ADAMTS20: variants seen among roughly 807,000 people sequenced by gnomAD.
ADAMTS20 encodes the protein A disintegrin and metalloproteinase with thrombospondin motifs 20.
In ADAMTS20, 225 loss-of-function variants were observed where a neutral mutation model predicts 260.1. The ratio of observed to expected loss-of-function variants is 0.87; its 90% CI spans 0.78 to 0.97. The LOEUF (loss-of-function observed/expected upper bound fraction) is 0.97. Ranked by LOEUF, ADAMTS20 falls within the 50% of genes least tolerant of loss-of-function variation. The pLI is 0.00. For synonymous variants in ADAMTS20, 802 were observed against 769.5 expected, an observed-to-expected ratio of 1.04 and a Z score of -0.70; for missense variants, 2,400 against 2,337.7, an observed-to-expected ratio of 1.03 and a Z score of -0.55.
intron 3 of ADAMTS20, among the ~76,000 whole-genome samples, chr12:43,510,961 T>G (rs1942916287): frequency 6.6e-6 from 1 of 152,018 alleles, no homozygotes; most frequent in Admixed American, 6.6e-5. Context: ...CCATACAAAG[T>G]TTATCTTTCT....
chr12:43,472,014 G>A (rs535660736), intron 7 of ADAMTS20, among the ~76,000 whole-genome samples: 2 of 152,196 alleles, frequency 1.3e-5, no homozygotes, highest in East Asian at 3.9e-4. Context: ...GAGAGAAGAA[G>A]GCTTCAGAAA....
chr12:43,535,306 C>A (rs115667763), intron 2 of ADAMTS20, among the ~76,000 whole-genome samples: 4 of 152,160 alleles, frequency 2.6e-5, no homozygotes, highest in Admixed American at 2.0e-4. Flanking sequence ...CTATTATTTC[C>A]TACCTTTGCA....
chr12:43,543,929 T>C (rs935966404), intron 2 of ADAMTS20, among the ~76,000 whole-genome samples: 20 of 152,186 alleles, frequency 1.3e-4, no homozygotes, highest in Non-Finnish European at 2.6e-4. Flanking sequence ...ATATAGCTCA[T>C]AAACATATTT....
At chr12:43,501,475 G>GCACACA (rs1353322850) in intron 4 of ADAMTS20, among the ~76,000 whole-genome samples, 4 of 59,112 alleles carry the variant, frequency 6.8e-5, no homozygotes, top group African/African-American at 2.1e-4. Flanking sequence ...GCGCGCGCGC[G>GCACACA]CGCGCGCACA....
At chr12:43,456,648 A>G (rs1018707660) in intron 11 of ADAMTS20, among the ~76,000 whole-genome samples, 2 of 152,204 alleles carry the variant, frequency 1.3e-5, no homozygotes, top group Non-Finnish European at 2.9e-5. Context: ...AGATGGAACA[A>G]TGGCAAGAGC....
intron 3 of ADAMTS20, among the ~76,000 whole-genome samples, chr12:43,506,860 A>G (rs1256124391): frequency 6.6e-6 from 1 of 152,052 alleles, no homozygotes; most frequent in African/African-American, 2.4e-5. Context: ...AGTAAAACCT[A>G]AAAACAACCC....
chr12:43,537,963 T>G (rs1943320051), intron 2 of ADAMTS20, among the ~76,000 whole-genome samples: 2 of 152,240 alleles, frequency 1.3e-5, no homozygotes, highest in South Asian at 2.1e-4. Flanking sequence ...TTGTGAACAC[T>G]GCTGCAACAA....
chr12:43,367,372 G>A (rs976028610), intron 37 of ADAMTS20, among the ~76,000 whole-genome samples: 2 of 151,960 alleles, frequency 1.3e-5, no homozygotes, highest in Non-Finnish European at 2.9e-5. Flanking sequence ...TCACAGGAAC[G>A]CAAGGTTGTG....
chr12:43,462,633 CATAG>C (rs1346073924), intron 11 of ADAMTS20, among the ~76,000 whole-genome samples: 1 of 152,088 alleles, frequency 6.6e-6, no homozygotes, highest in Non-Finnish European at 1.5e-5. Flanking sequence ...TTATAATATA[CATAG>C]ATAACTATAT....
chr12:43,453,863 G>A, intron 12 of ADAMTS20, 44 bp downstream of exon 12: 1 of 1,552,514 alleles, frequency 6.4e-7, no homozygotes, highest in Non-Finnish European at 8.7e-7. Context: ...ACTTTCTGGT[G>A]CCTTGAGATA....
chr12:43,505,749 G>A (rs763089321), intron 3 of ADAMTS20, among the ~76,000 whole-genome samples: 4 of 152,070 alleles, frequency 2.6e-5, no homozygotes, highest in Non-Finnish European at 5.9e-5. Context: ...TGTTCCTTAA[G>A]AAATAAAAAT....
At position 43,475,860 on chromosome 12, in the gene ADAMTS20, T is replaced by C. The variant is rs1485412020; in HGVS notation, c.1118-7155A>G. 5.3e-5 allele frequency among the ~76,000 whole-genome samples: 7 copies of C among 132,350 alleles called. No individual in the cohort carries two copies. In the South Asian group the frequency reaches 2.0e-3, roughly 39 times the overall value. 86.8% of individuals were successfully genotyped at this position (132,350 alleles called of 152,430 possible). ...AAATCAATTTAAGATGGATTAAAGA[T>C]TTAAACGTTAGACCTAAAACCATAA... On this transcript the variant is annotated intron_variant, in intron 7 of 38. Coordinates refer to ENST00000389420, the MANE Select transcript of ADAMTS20 (RefSeq NM_025003.5).
chr12:43,432,665 G>C lies in ADAMTS20; in HGVS notation c.2867C>G (p.Pro956Arg), dbSNP rs781138100. The change falls in exon 20 of 39, where the codon CCT (proline) becomes CGT (arginine). Residue 956 changes from proline (P) to arginine (R), a missense_variant. Transcript: ENST00000389420. ...GTTACCATGGCATAGTTCTTGGGTA[G>C]GAGGTTTAAGCTGGTCACCACAGTA... Reference protein sequence around the residue: ...DHYCGDQLKPPTQELCHGNCV... With the variant: ...DHYCGDQLKPRTQELCHGNCV... 1 of 1,613,854 alleles carries C rather than the reference G, an allele frequency of 6.2e-7. No individual in the cohort carries two copies.
chr12:43,376,550 G>A lies in ADAMTS20; in HGVS notation c.5099C>T (p.Ala1700Val), dbSNP rs1402234102. ...DLCLNHLKPG[A>V]QKKCYANDCK... ...GTCATTGGCATAACATTTCTTTTGAGCACCTGGTTTTAAATGGTTTAAACA... is the reference window on the plus strand; with the variant it reads ...GTCATTGGCATAACATTTCTTTTGAACACCTGGTTTTAAATGGTTTAAACA... The change falls in exon 33 of 39, where the codon GCT becomes GTT. Residue 1700 changes from alanine to valine, a missense_variant. Coordinates refer to ENST00000389420, the MANE Select transcript of ADAMTS20 (RefSeq NM_025003.5). The A allele has an allele frequency of 6.2e-7, 1 of 1,613,068 alleles. No individual in the cohort carries two copies. The highest frequency in any genetic ancestry group is 8.5e-7 in the Non-Finnish European group (1 of 1,179,642).
intron 29 of ADAMTS20, 147 bp from the exon 30 acceptor site, chr12:43,384,124 T>C: frequency 1.2e-6 from 1 of 813,916 alleles, no homozygotes; most frequent in African/African-American, 1.7e-5. Flanking sequence ...ACAATAAGTA[T>C]TTTTACCATT....
At chr12:43,505,822 T>C (rs1353068712) in intron 3 of ADAMTS20, among the ~76,000 whole-genome samples, 3 of 152,140 alleles carry the variant, frequency 2.0e-5, no homozygotes, top group Non-Finnish European at 4.4e-5. Context: ...GAAAGCAGGG[T>C]CTTGAAGAGC....
chr12:43,449,585 A>G (rs1044914223), intron 14 of ADAMTS20, among the ~76,000 whole-genome samples: 6 of 152,112 alleles, frequency 3.9e-5, no homozygotes, highest in African/African-American at 1.4e-4. Context: ...AAACCCTGTT[A>G]CACGAGTTTA....
chr12:43,399,333 T>C (rs1940764606), intron 28 of ADAMTS20, 100 bp from the exon 29 acceptor site: 14 of 1,060,878 alleles, frequency 1.3e-5, no homozygotes, highest in Non-Finnish European at 1.8e-5. Context: ...CATAATTCCT[T>C]TGATATTTTT....
chr12:43,492,013 G>T (rs1386279249), intron 6 of ADAMTS20, among the ~76,000 whole-genome samples: 1 of 152,160 alleles, frequency 6.6e-6, no homozygotes, highest in Admixed American at 6.5e-5. Context: ...AAGAATAGAA[G>T]AATGCTTTTA....
Sources: gnomAD v4.1 joint callset for allele counts (sites outside exome capture counted in the v4.1 genomes callset) on GRCh38, gnomAD v4.1.1 for gene constraint, MANE v1.5 for transcripts, NCBI Gene and HGNC (gene_info 2026-07-23, HGNC 2026-07-21) for gene names.